MAP7D2: variants seen among roughly 807,000 people sequenced by gnomAD.
MAP7D2 encodes the protein MAP7 domain containing 2, also known as MAP7 domain-containing protein 2.
MAP7D2 carries 33 observed loss-of-function variants against 63.5 expected under a neutral mutation model. The observed-to-expected ratio is 0.52, with a 90% CI of 0.39 to 0.70. The LOEUF (loss-of-function observed/expected upper bound fraction) is 0.70. Ranked by LOEUF, MAP7D2 falls within the 30% of genes least tolerant of loss-of-function variation. MAP7D2 has a pLI of 0.00. For synonymous variants in MAP7D2, 224 were observed against 223.7 expected (o/e 1.00, Z -0.01); for missense variants, 626 against 604.0 (o/e 1.04, Z -0.38).
intron 8 of MAP7D2, among the ~76,000 whole-genome samples, chrX:20,037,770 T>C (rs2064537296): frequency 9.0e-6 from 1 of 111,720 alleles, no homozygotes; most frequent in Admixed American, 9.5e-5. Context: ...GGAAGAGATA[T>C]GTGGATGGAC....
At chrX:20,031,973 T>C (rs1425936486) in intron 8 of MAP7D2, among the ~76,000 whole-genome samples, 4 of 111,626 alleles carry the variant, frequency 3.6e-5, no homozygotes, top group Non-Finnish European at 5.6e-5. Flanking sequence ...TGTGCATCTA[T>C]GGAGGATGAA....
At chrX:20,043,063 C>T (rs941699004) in intron 7 of MAP7D2, among the ~76,000 whole-genome samples, 1 of 111,159 alleles carries the variant, frequency 9.0e-6, no homozygotes, top group Non-Finnish European at 1.9e-5. Context: ...TAGGTCTTCC[C>T]ATTACCTCCT....
At chrX:20,016,911 G>C (rs1274392211) in intron 10 of MAP7D2, among the ~76,000 whole-genome samples, 1 of 112,271 alleles carries the variant, frequency 8.9e-6, no homozygotes, top group Non-Finnish European at 1.9e-5. Flanking sequence ...GCAATCTTTA[G>C]AAATCTATTT....
chrX:20,106,723 A>C lies in MAP7D2; in HGVS notation c.130+10027T>G, dbSNP rs766122440. Among the ~76,000 whole-genome samples the C allele has an allele frequency of 1.1e-4, 12 of 112,541 alleles. No homozygotes were observed. In the South Asian group the frequency reaches 3.7e-3, roughly 34 times the overall value. On this transcript the variant is annotated intron_variant, in intron 1 of 16. Coordinates refer to ENST00000379643, the MANE Select transcript of MAP7D2 (RefSeq NM_001168465.2). Reference sequence around the variant, plus strand: ...CTTGCTGCAAAGAAAAGAATGTCAGATATCTCATTAATAACGTTTAATATT... The same window carrying C: ...CTTGCTGCAAAGAAAAGAATGTCAGCTATCTCATTAATAACGTTTAATATT...
chrX:20,053,643 G>A (rs766954239), intron 4 of MAP7D2, among the ~76,000 whole-genome samples: 2 of 111,347 alleles, frequency 1.8e-5, no homozygotes, highest in Non-Finnish European at 3.8e-5. Context: ...TATTTCAGAC[G>A]GCAAACAAAG....
chrX:20,087,119 G>A (rs1162188272), intron 1 of MAP7D2, among the ~76,000 whole-genome samples: 13 of 112,112 alleles, frequency 1.2e-4, no homozygotes, highest in Non-Finnish European at 1.9e-5. Flanking sequence ...GCCTAGAGGT[G>A]AAAGGCAAGG....
At position 20,025,867 on chromosome X, in the gene MAP7D2, G is replaced by A. The variant is rs759640165; in HGVS notation, c.1093C>T (p.Leu365Phe). Residue 365 changes from leucine (L) to phenylalanine (F), a missense_variant, in exon 9 of 17, where the codon CTT becomes TTT. By Grantham distance (22) the Leu-to-Phe change is conservative (BLOSUM62 0). Transcript: ENST00000379643. ...CTCTTGGGCATGTCTTGGCCAGAAA[G>A]GGCAGGTAAGCGGTACTTCACAGGA... ...GSPVKYRLPA[L>F]SGQDMPKRKA... The A allele has an allele frequency of 1.7e-6, 2 of 1,211,792 alleles. No individual in the cohort carries two copies. Among genetic ancestry groups the A allele is most frequent in the Non-Finnish European group, 2.2e-6 (2 of 895,471 alleles).
chrX:20,029,619 T>C (rs1312171914), intron 8 of MAP7D2, among the ~76,000 whole-genome samples: 1 of 111,437 alleles, frequency 9.0e-6, no homozygotes, highest in Non-Finnish European at 1.9e-5. Flanking sequence ...AAAAATAACT[T>C]CTACCTGAGA....
Position 20,044,425 on chromosome X carries a change from G to A in MAP7D2, c.818C>T (p.Thr273Met), listed in dbSNP as rs773736908. The A allele has an allele frequency of 1.4e-5, 17 of 1,209,369 alleles. No individual in the cohort carries two copies. The highest frequency in any genetic ancestry group is 7.0e-5 in the South Asian group (4 of 56,795). Residue 273 changes from threonine to methionine, a missense_variant, in exon 7 of 17, where the codon ACG becomes ATG. Transcript: ENST00000379643. ...AACATCTCCTGCACCAGATGTAGAC[G>A]TAGATGTAGCTTTCTTCTTCTCAAT... ...RNIEKKKATS[T>M]STSGAGDVGK...
intron 3 of MAP7D2, among the ~76,000 whole-genome samples, chrX:20,060,913 A>G (rs1221369559): frequency 9.1e-6 from 1 of 109,505 alleles, no homozygotes; most frequent in African/African-American, 3.3e-5. Flanking sequence ...GAGTGACATC[A>G]TGGCAACCAT....
chrX:20,079,129 AC>A (rs369343149), intron 1 of MAP7D2, among the ~76,000 whole-genome samples: 87 of 111,427 alleles, frequency 7.8e-4, no homozygotes, highest in African/African-American at 2.8e-3. Flanking sequence ...ATGAAGAATA[AC>A]CCGGCAACTC....
At chrX:20,023,193 G>A (rs1271338537) in intron 10 of MAP7D2, among the ~76,000 whole-genome samples, 2 of 112,893 alleles carry the variant, frequency 1.8e-5, no homozygotes, top group African/African-American at 3.2e-5. Context: ...GGAAAATGAA[G>A]GTGGGAAGTG....
chrX:20,011,070 G>C lies in MAP7D2; in HGVS notation c.2073-18C>G. ...AAACAGGACTAGAAGAGATGAACGA[G>C]AGGGAGAGAGGCAGAAAGAGACAGA... On this transcript the variant is annotated intron_variant, in intron 15 of 16. Coordinates refer to ENST00000379643, the MANE Select transcript of MAP7D2 (RefSeq NM_001168465.2). 8.3e-7 allele frequency: 1 copy of C among 1,197,984 alleles called. No individual in the cohort carries two copies. The highest frequency in any genetic ancestry group is 1.1e-6 in the Non-Finnish European group (1 of 885,678).
At chrX:20,016,060 A>T in intron 11 of MAP7D2, 34 bp downstream of exon 11, 1 of 1,137,567 alleles carries the variant, frequency 8.8e-7, no homozygotes, top group Non-Finnish European at 1.2e-6. Context: ...TCCTTAAAAA[A>T]CAAGTAAAGT....
chrX:20,022,832 G>A (rs2073701918), intron 10 of MAP7D2, among the ~76,000 whole-genome samples: 1 of 112,542 alleles, frequency 8.9e-6, no homozygotes, highest in African/African-American at 3.2e-5. Flanking sequence ...CTAGGTTCTA[G>A]ACCAGTGCTA....
At position 20,100,394 on chromosome X, in the gene MAP7D2, C is replaced by T. The variant is rs181435394; in HGVS notation, c.130+16356G>A. Reference sequence around the variant, plus strand: ...ACTGTGGTGGGAATACAAAATGGTACAGCCATGTGGCTGGCAAAATATTGG... The same window carrying T: ...ACTGTGGTGGGAATACAAAATGGTATAGCCATGTGGCTGGCAAAATATTGG... On this transcript the variant is annotated intron_variant, in intron 1 of 16. Transcript: ENST00000379643. Among the ~76,000 whole-genome samples, 975 of 111,655 alleles carry T rather than the reference C, an allele frequency of 8.7e-3. 14 individuals are homozygous for T. The highest frequency in any genetic ancestry group is 0.03 in the African/African-American group (922 of 30,699).
At chrX:20,093,637 A>G (rs767021431) in intron 1 of MAP7D2, among the ~76,000 whole-genome samples, 3 of 111,309 alleles carry the variant, frequency 2.7e-5, no homozygotes, top group Non-Finnish European at 5.7e-5. Flanking sequence ...AGCCTGGGTG[A>G]CAGAGTGAGA....
At chrX:20,058,226 T>C (rs2065114748) in intron 3 of MAP7D2, among the ~76,000 whole-genome samples, 1 of 112,739 alleles carries the variant, frequency 8.9e-6, no homozygotes, top group Non-Finnish European at 1.9e-5. Context: ...TGATAAAAGC[T>C]GGGGCTTGGA....
intron 1 of MAP7D2, among the ~76,000 whole-genome samples, chrX:20,070,735 C>G (rs1013674806): frequency 9.8e-5 from 11 of 111,928 alleles, no homozygotes; most frequent in African/African-American, 2.3e-4. Context: ...ACTGAGCAGT[C>G]AAACAACTAT....
Sources: allele counts gnomAD v4.1 joint callset (sites outside exome capture counted in the v4.1 genomes callset), GRCh38; gene constraint gnomAD v4.1.1; transcripts MANE v1.5; gene names NCBI Gene and HGNC (gene_info 2026-07-23, HGNC 2026-07-21).